The following FAT3 variants were observed in gnomAD, a reference collection of about 807,000 sequenced individuals.
FAT3 encodes protocadherin Fat 3.
FAT3 carries 95 observed loss-of-function variants against 310.2 expected under a neutral mutation model. The ratio of observed to expected loss-of-function variants is 0.31; its 90% CI spans 0.26 to 0.36. The LOEUF (loss-of-function observed/expected upper bound fraction) is 0.36, where lower values mean the gene tolerates loss of function less well. Ranked by LOEUF, FAT3 falls within the 10% of genes least tolerant of loss-of-function variation. The probability of loss-of-function intolerance (pLI) is 1.00; values close to 1 mark genes in which losing one functional copy is unlikely to be tolerated. For missense variants in FAT3, 5,408 were observed against 5,715.6 expected (o/e 0.95, Z 1.74); for synonymous variants, 2,314 against 2,192.9 (o/e 1.06, Z -1.54).
intron 2 of FAT3, among the ~76,000 whole-genome samples, chr11:92,372,134 A>G (rs1034566494): frequency 2.6e-5 from 4 of 152,068 alleles, no homozygotes; most frequent in African/African-American, 7.2e-5. Context: ...CTGGCCTTTT[A>G]TTGGTCAAAT....
chr11:92,702,641 C>G (rs1031753626), intron 4 of FAT3, among the ~76,000 whole-genome samples: 1 of 152,134 alleles, frequency 6.6e-6, no homozygotes, highest in African/African-American at 2.4e-5. Flanking sequence ...TGGACTGGCT[C>G]CAGCAGTTTG....
At chr11:92,879,958 T>G (rs1055962920) in intron 22 of FAT3, among the ~76,000 whole-genome samples, 1 of 151,706 alleles carries the variant, frequency 6.6e-6, no homozygotes, top group African/African-American at 2.4e-5. Flanking sequence ...AATCTTACGG[T>G]TTTTTTTAAA....
At chr11:92,283,912 G>A (rs1487449527) in intron 1 of FAT3, among the ~76,000 whole-genome samples, 1 of 152,108 alleles carries the variant, frequency 6.6e-6, no homozygotes, top group African/African-American at 2.4e-5. Context: ...CCAAGGAGGT[G>A]ATATTGTATC....
At chr11:92,721,139 G>A (rs1944846886) in intron 4 of FAT3, among the ~76,000 whole-genome samples, 1 of 152,104 alleles carries the variant, frequency 6.6e-6, no homozygotes, top group Non-Finnish European at 1.5e-5. Flanking sequence ...CCAATACCAT[G>A]TGTCCAATAG....
At chr11:92,513,803 G>T (rs1412008133) in intron 2 of FAT3, among the ~76,000 whole-genome samples, 1 of 152,106 alleles carries the variant, frequency 6.6e-6, no homozygotes, top group East Asian at 1.9e-4. Context: ...TGGCCTCAGA[G>T]TCTCTAATAA....
At chr11:92,713,818 T>C (rs1242429892) in intron 4 of FAT3, among the ~76,000 whole-genome samples, 1 of 152,234 alleles carries the variant, frequency 6.6e-6, no homozygotes, top group African/African-American at 2.4e-5. Flanking sequence ...ACAACTGATT[T>C]CTTTAAGATT....
At chr11:92,733,779 A>G (rs1237625122) in intron 4 of FAT3, among the ~76,000 whole-genome samples, 1 of 152,222 alleles carries the variant, frequency 6.6e-6, no homozygotes, top group Non-Finnish European at 1.5e-5. Flanking sequence ...ATGGGATGAA[A>G]TCTTGTGCAG....
rs752021431 is a variant in FAT3 at position 92,355,328 on chromosome 11, C to T, written c.3216C>T (p.Ser1072=). 1.4e-5 allele frequency: 22 copies of T among 1,613,496 alleles called. No individual in the cohort carries two copies. The highest frequency in any genetic ancestry group is 8.0e-5 in the African/African-American group (6 of 74,828). ...AGGTGACTGCTCGAGATGAAGACTC[C>T]GGAAGGGATGGAGAGATCCAGTACT... ...VLQVTARDED[S]GRDGEIQYSI... The change falls in exon 2 of 28, where the codon TCC becomes TCT. Residue 1072 remains serine, a synonymous_variant. Transcript: ENST00000525166.
At chr11:92,706,339 T>C (rs1402570633) in intron 4 of FAT3, among the ~76,000 whole-genome samples, 2 of 152,040 alleles carry the variant, frequency 1.3e-5, no homozygotes, top group African/African-American at 4.8e-5. Context: ...GCTAGTACAT[T>C]CAAAACAGAG....
At chr11:92,255,644 G>A (rs1004758494) in intron 1 of FAT3, among the ~76,000 whole-genome samples, 2 of 152,102 alleles carry the variant, frequency 1.3e-5, no homozygotes, top group Non-Finnish European at 2.9e-5. Flanking sequence ...CCAGTCTTCA[G>A]CTGCTGTGAT....
intron 21 of FAT3, among the ~76,000 whole-genome samples, chr11:92,862,049 A>G (rs147547756): frequency 1.1e-4 from 16 of 152,346 alleles, no homozygotes; most frequent in South Asian, 6.2e-4. Context: ...TTGATACCCT[A>G]TCTTCTTCCA....
At chr11:92,462,371 G>A (rs561744657) in intron 2 of FAT3, among the ~76,000 whole-genome samples, 1 of 152,082 alleles carries the variant, frequency 6.6e-6, no homozygotes, top group African/African-American at 2.4e-5. Context: ...CCTTCTCTGT[G>A]TCCATGTGTA....
chr11:92,510,078 A>G (rs1474860747), intron 2 of FAT3, among the ~76,000 whole-genome samples: 1 of 152,134 alleles, frequency 6.6e-6, no homozygotes, highest in African/African-American at 2.4e-5. Flanking sequence ...TCCTTCAGAT[A>G]GCTATTTCTG....
At chr11:92,794,743 A>G (rs112952065) in intron 9 of FAT3, among the ~76,000 whole-genome samples, 2 of 149,644 alleles carry the variant, frequency 1.3e-5, no homozygotes, top group Non-Finnish European at 2.9e-5. Flanking sequence ...TGATATCGCA[A>G]AAAAAATGAC....
chr11:92,789,911 T>C, intron 7 of FAT3, 32 bp from the exon 8 acceptor site: 4 of 1,606,924 alleles, frequency 2.5e-6, no homozygotes, highest in Non-Finnish European at 3.4e-6. Context: ...AAATTGGCAT[T>C]AGTCATCATT....
At chr11:92,667,582 C>T (rs1165083576) in intron 3 of FAT3, among the ~76,000 whole-genome samples, 1 of 152,192 alleles carries the variant, frequency 6.6e-6, no homozygotes, top group African/African-American at 2.4e-5. Context: ...TTGAATGGGG[C>T]TGCCTGCAGA....
chr11:92,426,100 A>G (rs2135001466), intron 2 of FAT3, among the ~76,000 whole-genome samples: 1 of 152,264 alleles, frequency 6.6e-6, no homozygotes, highest in South Asian at 2.1e-4. Context: ...ATGGAATCTC[A>G]TTGTGGTTTT....
At chr11:92,228,247 C>T (rs763554753) in intron 1 of FAT3, among the ~76,000 whole-genome samples, 3 of 152,170 alleles carry the variant, frequency 2.0e-5, no homozygotes, top group Non-Finnish European at 4.4e-5. Flanking sequence ...CAGCGACTGG[C>T]TCTCAAGCCT....
chr11:92,802,491 G>A (rs146361808), intron 10 of FAT3, among the ~76,000 whole-genome samples: 1 of 152,222 alleles, frequency 6.6e-6, no homozygotes, highest in East Asian at 1.9e-4. Context: ...ATAGCAAGTA[G>A]CAATTCAAGA....
Sources: gnomAD v4.1 joint callset for allele counts (sites outside exome capture counted in the v4.1 genomes callset) on GRCh38, gnomAD v4.1.1 for gene constraint, MANE v1.5 for transcripts, NCBI Gene and HGNC (gene_info 2026-07-23, HGNC 2026-07-21) for gene names.